Variants in IFT43 observed in about 807,000 individuals in gnomAD.
The protein encoded by IFT43 is intraflagellar transport 43, also known as intraflagellar transport protein 43 homolog.
IFT43 carries 33 observed loss-of-function variants against 32.3 expected under a neutral mutation model. The observed-to-expected ratio is 1.02, with a 90% confidence interval of 0.77 to 1.37. The LOEUF (loss-of-function observed/expected upper bound fraction) is 1.37. Ranked by LOEUF, IFT43 falls within the 40% of genes most tolerant of loss-of-function variation. The pLI is 0.00. For synonymous variants in IFT43, 93 were observed against 98.2 expected (o/e 0.95, Z 0.31); for missense variants, 274 against 265.9 (o/e 1.03, Z -0.21).
intron 3 of IFT43, among the ~76,000 whole-genome samples, chr14:76,027,735 A>C (rs1242232801): frequency 6.6e-6 from 1 of 151,276 alleles, no homozygotes; most frequent in Non-Finnish European, 1.5e-5. Context: ...GATTCATGAC[A>C]TTCTCTACAG....
At chr14:76,029,838 T>TTTTTTA (rs1385613044) in intron 3 of IFT43, among the ~76,000 whole-genome samples, 15 of 146,580 alleles carry the variant, frequency 1.0e-4, no homozygotes, top group African/African-American at 3.7e-4. Flanking sequence ...TTTTTGTACT[T>TTTTTTA]TTTTTATTTT....
downstream of IFT43, chr14:76,083,983 G>A (rs1160981898): frequency 2.2e-6 from 1 of 459,252 alleles, no homozygotes; most frequent in Non-Finnish European, 4.3e-6. Flanking sequence ...GGTGCTCTGG[G>A]CCCTTTGTGA....
chr14:76,078,577 C>T (rs542063667), intron 5 of IFT43, among the ~76,000 whole-genome samples: 4 of 152,320 alleles, frequency 2.6e-5, no homozygotes, highest in African/African-American at 7.2e-5. Context: ...TTCCTCACAG[C>T]GTGGCTGACC....
chr14:76,051,628 T>C (rs2036915601), intron 3 of IFT43, among the ~76,000 whole-genome samples: 1 of 152,192 alleles, frequency 6.6e-6, no homozygotes, highest in Middle Eastern at 3.2e-3. Flanking sequence ...TTTACCTCAA[T>C]GAGGTTTGGA....
At chr14:76,062,866 G>A (rs576058189) in intron 5 of IFT43, among the ~76,000 whole-genome samples, 45 of 140,062 alleles carry the variant, frequency 3.2e-4, no homozygotes, top group African/African-American at 1.1e-3. Flanking sequence ...GCAGTGAGGC[G>A]GAGTTTGCAC....
rs186236363 is a variant in IFT43 at position 76,047,031 on chromosome 14, G to A, written c.216-11611G>A. Among the ~76,000 whole-genome samples the A allele has an allele frequency of 5.7e-4, 87 of 152,328 alleles. 1 individual carries two copies. The highest frequency in any genetic ancestry group is 1.9e-3 in the African/African-American group (79 of 41,574). On this transcript the variant is annotated intron_variant, in intron 3 of 8. Transcript: ENST00000314067. ...GGACTCACATGGCAGAAGGCAGAAG[G>A]GCAACAGGGACTAGCTACCCACCAG...
At chr14:76,069,050 A>G (rs1471229503) in intron 5 of IFT43, among the ~76,000 whole-genome samples, 4 of 152,154 alleles carry the variant, frequency 2.6e-5, no homozygotes, top group African/African-American at 4.8e-5. Context: ...TGGGCAATGT[A>G]TAAAGAAAAA....
rs1254356058 is a variant in IFT43 at position 76,059,339 on chromosome 14, A to G, written c.261A>G (p.Arg87=). The change falls in exon 5 of 9, where the codon AGA becomes AGG. Residue 87 remains arginine (R), a synonymous_variant. Transcript: ENST00000314067. ...TTTTTGGGGGCAGTTTCCGCCTCAG[A>G]CCACAGAGCCTGAATGGATCAGATT... ...ASEEIEDFRL[R]PQSLNGSDYG... 5 of 1,613,978 alleles carry G rather than the reference A, an allele frequency of 3.1e-6. No homozygotes were observed. Among genetic ancestry groups the G allele is most frequent in the Non-Finnish European group, 4.2e-6 (5 of 1,179,952 alleles).
intron 3 of IFT43, among the ~76,000 whole-genome samples, chr14:76,050,077 C>G (rs1381695646): frequency 1.3e-5 from 2 of 152,176 alleles, no homozygotes; most frequent in African/African-American, 2.4e-5. Context: ...GACCTCTGTT[C>G]GAGTGGTTTC....
chr14:76,022,387 G>C lies in IFT43; in HGVS notation c.208G>C (p.Ala70Pro). The C allele has an allele frequency of 2.5e-6, 4 of 1,602,014 alleles. No individual in the cohort carries two copies. The highest frequency in any genetic ancestry group is 3.4e-6 in the Non-Finnish European group (4 of 1,169,186). The part of the protein sequence containing the change: ...QGGWAGDSVK[A>P]SKFRRKASEE... ...AGGCTGGGCAGGTGATTCCGTGAAG[G>C]CTTCGAAGTGAGTACCAGCAGCTCA... The change falls in exon 3 of 9, where the codon GCT (alanine) becomes CCT (proline). Residue 70 changes from alanine to proline, a missense_variant. Ala to Pro is a conservative substitution (Grantham distance 27, BLOSUM62 -1). Coordinates refer to ENST00000314067, the MANE Select transcript of IFT43 (RefSeq NM_001102564.3).
At chr14:76,072,121 T>C (rs1484463595) in intron 5 of IFT43, among the ~76,000 whole-genome samples, 1 of 152,222 alleles carries the variant, frequency 6.6e-6, no homozygotes, top group Non-Finnish European at 1.5e-5. Flanking sequence ...TTTATAGCTC[T>C]TGTGACATGA....
intron 5 of IFT43, 121 bp downstream of exon 5, chr14:76,059,494 C>T (rs1016052195): frequency 5.3e-5 from 49 of 932,478 alleles, no homozygotes; most frequent in African/African-American, 1.5e-4. Flanking sequence ...GGTCTTCTGA[C>T]GCATGCTGAT....
In IFT43 at chr14:75,986,178, GC is replaced by G. The variant is rs778558036; in HGVS notation, c.54+342del. 4 of 1,329,038 alleles carry G rather than the reference GC, an allele frequency of 3.0e-6. 1 individual carries two copies. The highest frequency in any genetic ancestry group is 2.5e-5 in the South Asian group (2 of 81,358). The allele number at this position is 1,329,038 out of a possible 1,614,324, so 82.3% of individuals were successfully genotyped here. A position where few individuals can be genotyped will look rare whatever the true frequency, so the allele number is the denominator to read the frequency against. ...AGATCGATCACAGGGTGATAGGGGA[GC>G]CCCGGCCGGGGTCGCACTCGCTCCC... is the stretch of plus-strand genomic sequence containing the variant. On this transcript the variant is annotated intron_variant, in intron 1 of 8. Transcript: ENST00000314067.
intron 3 of IFT43, 189 bp from the exon 4 acceptor site, chr14:76,058,453 A>G (rs2037067247): frequency 1.7e-6 from 1 of 579,204 alleles, no homozygotes; most frequent in South Asian, 2.0e-5. Flanking sequence ...TAAAGCTGTA[A>G]GAAGGCACTA....
At chr14:76,014,044 C>A in intron 2 of IFT43, 1 of 247,872 alleles carries the variant, frequency 4.0e-6, no homozygotes. Context: ...GCACCCATTT[C>A]GGGCTGACCT....
chr14:76,033,461 A>T (rs368788491), intron 3 of IFT43, among the ~76,000 whole-genome samples: 6 of 152,266 alleles, frequency 3.9e-5, no homozygotes, highest in African/African-American at 1.2e-4. Context: ...TGGGTAAGTT[A>T]TTGAGGAGGG....
At chr14:76,051,149 G>C (rs2036907239) in intron 3 of IFT43, among the ~76,000 whole-genome samples, 1 of 150,246 alleles carries the variant, frequency 6.7e-6, no homozygotes, top group African/African-American at 2.5e-5. Flanking sequence ...TAAAACCCCA[G>C]AGTGCCAAAA....
chr14:76,027,543 A>C (rs2036425416), intron 3 of IFT43, among the ~76,000 whole-genome samples: 1 of 152,054 alleles, frequency 6.6e-6, no homozygotes, highest in Admixed American at 6.6e-5. Flanking sequence ...CCCCGTCTCT[A>C]CTAAAAATGC....
intron 2 of IFT43, among the ~76,000 whole-genome samples, chr14:75,994,291 G>T (rs184742867): frequency 6.6e-6 from 1 of 152,066 alleles, no homozygotes; most frequent in Non-Finnish European, 1.5e-5. Flanking sequence ...CACTTAGGAC[G>T]TGGTGCCAGT....
Sources: gnomAD v4.1 joint callset for allele counts (sites outside exome capture counted in the v4.1 genomes callset) on GRCh38, gnomAD v4.1.1 for gene constraint, MANE v1.5 for transcripts, NCBI Gene and HGNC (gene_info 2026-07-23, HGNC 2026-07-21) for gene names.